Variants in CFAP36 observed in about 807,000 individuals in gnomAD.
CFAP36 encodes cilia and flagella associated protein 36.
A neutral mutation model predicts 50.5 loss-of-function variants in CFAP36; 37 were observed. The observed-to-expected ratio is 0.73, with a 90% CI of 0.56 to 0.96. CFAP36 has a LOEUF of 0.96. CFAP36 is among the 50% of genes least tolerant of loss of function. The pLI is 0.00. For missense variants in CFAP36, 407 were observed against 396.2 expected (o/e 1.03, Z -0.23); for synonymous variants, 138 against 128.2 (o/e 1.08, Z -0.52).
chr2:55,537,687 G>GA, intron 7 of CFAP36, 102 bp downstream of exon 7: 1 of 771,414 alleles, frequency 1.3e-6, no homozygotes, highest in Non-Finnish European at 2.1e-6. Context: ...AAAGCCCTGG[G>GA]AGGGAGTATT....
intron 7 of CFAP36, chr2:55,539,352 A>T (rs1684575049): frequency 6.6e-6 from 1 of 152,386 alleles, no homozygotes. Flanking sequence ...AATGTCATAT[A>T]GTTGAAATCA....
rs199960932 is a variant in CFAP36, at chr2:55,545,021, A to G, written c.*13A>G. The G allele has an allele frequency of 2.1e-4, 295 of 1,427,042 alleles. 2 individuals are homozygous for G. The highest frequency in any genetic ancestry group is 5.7e-4 in the South Asian group (45 of 78,520). 88.4% of individuals were successfully genotyped at this position (1,427,042 alleles called of 1,614,324 possible). Reference sequence around the variant, plus strand: ...TATTAATAAGTAATAATTAAGAACAATTTAACAAAATGGAAGTTCAAATTG... The same window carrying G: ...TATTAATAAGTAATAATTAAGAACAGTTTAACAAAATGGAAGTTCAAATTG... On this transcript the variant is annotated 3_prime_UTR_variant, in exon 10 of 10. Transcript: ENST00000349456.
intron 1 of CFAP36, 39 bp downstream of exon 1, chr2:55,519,955 C>T (rs1287139704): frequency 3.2e-6 from 5 of 1,585,876 alleles, no homozygotes; most frequent in African/African-American, 1.3e-5. Context: ...CTTTTCTCCT[C>T]TCTCACACCA....
At chr2:55,538,902 GTGA>G (rs914699704) in intron 7 of CFAP36, 152 of 1,467,338 alleles carry the variant, frequency 1.0e-4, no homozygotes, top group Middle Eastern at 1.8e-4. Flanking sequence ...TGAGATTAGT[GTGA>G]TGTTTACCCA....
rs192819120 is a variant in CFAP36, at chr2:55,535,940, C to T, written c.537+177C>T. 4.8e-4 allele frequency: 622 copies of T among 1,284,652 alleles called. 2 individuals are homozygous for T. In the African/African-American group the frequency reaches 9.0e-3, roughly 19 times the overall value. The allele number at this position is 1,284,652 out of a possible 1,614,324, so 79.6% of individuals were successfully genotyped here. On this transcript the variant is annotated intron_variant, in intron 6 of 9. Transcript: ENST00000349456. ...ATTCTATGTATGTCGTGCATTACTG[C>T]TGGCCACCATATTATATAGTACTAT...
chr2:55,541,322 C>T lies in CFAP36; in HGVS notation c.641-2616C>T, dbSNP rs1472615722. Among the ~76,000 whole-genome samples, 5 of 152,288 alleles carry T rather than the reference C, an allele frequency of 3.3e-5. No individual in the cohort carries two copies. The South Asian group carries it at 8.3e-4, about 25-fold the overall frequency. On this transcript the variant is annotated intron_variant, in intron 7 of 9. Coordinates refer to ENST00000349456, the MANE Select transcript of CFAP36 (RefSeq NM_080667.7). ...CTGGGCAACAAGAGCGAAACTTCAT[C>T]TCAAAATAAAATAAAATAAAAACCA...
At chr2:55,527,597 ATAAAT>A (rs938400159) in intron 3 of CFAP36, among the ~76,000 whole-genome samples, 14 of 152,048 alleles carry the variant, frequency 9.2e-5, no homozygotes, top group African/African-American at 3.4e-4. Flanking sequence ...AAATAAATAA[ATAAAT>A]AAATAAACAA....
intron 9 of CFAP36, among the ~76,000 whole-genome samples, chr2:55,544,628 G>C (rs17792972): frequency 0.043 from 6,536 of 152,146 alleles, 176 homozygotes; most frequent in South Asian, 0.077. Context: ...AGTATGTCAG[G>C]GTTGGTGGTC....
intron 3 of CFAP36, among the ~76,000 whole-genome samples, chr2:55,525,968 A>T (rs72919784): frequency 0.025 from 3,735 of 152,254 alleles, 157 homozygotes; most frequent in African/African-American, 0.085. Context: ...ACCTTTGCTC[A>T]TGCTGTCCCT....
intron 3 of CFAP36, among the ~76,000 whole-genome samples, 160 bp downstream of exon 3, chr2:55,523,982 C>A (rs954144278): frequency 8.5e-5 from 13 of 152,122 alleles, no homozygotes; most frequent in Non-Finnish European, 1.3e-4. Flanking sequence ...TTGAGAGCAA[C>A]CCTGAAAAAT....
Position 55,523,707 on chromosome 2 carries a change from CTTTG to C in CFAP36, c.181-10_181-7del. The stretch of plus-strand genomic sequence containing the variant: ...TTTCTATGTAATTATAAAAGTTAAA[CTTTG>C]TTTTTTTAGGTTGAAAAGCTGTTAG... On this transcript the variant is annotated splice_polypyrimidine_tract_variant and intron_variant, in intron 2 of 9. Coordinates refer to ENST00000349456, the MANE Select transcript of CFAP36 (RefSeq NM_080667.7). The C allele has an allele frequency of 6.5e-7, 1 of 1,530,536 alleles. No homozygotes were observed. Among genetic ancestry groups the C allele is most frequent in the Non-Finnish European group, 9.0e-7 (1 of 1,116,936 alleles). The allele number at this position is 1,530,536 out of a possible 1,614,324, so 94.8% of individuals were successfully genotyped here. A position where few individuals can be genotyped will look rare whatever the true frequency, so the allele number is the denominator to read the frequency against.
chr2:55,534,369 C>T (rs550801045), intron 5 of CFAP36, among the ~76,000 whole-genome samples: 2 of 152,296 alleles, frequency 1.3e-5, no homozygotes, highest in South Asian at 4.2e-4. Context: ...CCAGATTCCA[C>T]AGATTGAATA....
chr2:55,538,701 C>T, intron 7 of CFAP36: 1 of 1,407,202 alleles, frequency 7.1e-7, no homozygotes, highest in Non-Finnish European at 9.6e-7. Context: ...CCTCAGCCTC[C>T]CAAAGCACTA....
chr2:55,538,773 G>A (rs1252794207), intron 7 of CFAP36: 38 of 1,544,386 alleles, frequency 2.5e-5, no homozygotes, highest in Non-Finnish European at 3.0e-5. Flanking sequence ...AGAAATTCAA[G>A]GAAGCTGAGC....
At chr2:55,541,669 C>A (rs1684642425) in intron 7 of CFAP36, among the ~76,000 whole-genome samples, 1 of 152,010 alleles carries the variant, frequency 6.6e-6, no homozygotes, top group Admixed American at 6.6e-5. Flanking sequence ...TTATTTATTC[C>A]TTCCCAATCA....
intron 7 of CFAP36, among the ~76,000 whole-genome samples, chr2:55,542,511 T>G (rs928220201): frequency 3.3e-5 from 5 of 152,218 alleles, no homozygotes; most frequent in Non-Finnish European, 7.3e-5. Flanking sequence ...TGATGCAGAT[T>G]TGCCAGAGAT....
At chr2:55,531,135 A>C (rs1684342070) in intron 4 of CFAP36, 1 of 152,210 alleles carries the variant, frequency 6.6e-6, no homozygotes, top group African/African-American at 2.4e-5. Context: ...AATCCATGAC[A>C]TAGTGCTATT....
Position 55,543,106 on chromosome 2 carries a change from A to G in CFAP36, c.641-832A>G, listed in dbSNP as rs1355664269. Among the ~76,000 whole-genome samples the G allele has an allele frequency of 9.2e-5, 14 of 151,936 alleles. 1 individual carries two copies. The highest frequency in any genetic ancestry group is 2.1e-4 in the Non-Finnish European group (14 of 67,980). ...GGCAGGATCAACCAGGTGTGGCAAAAATTTTAATCATTTAGACATGTGTGC... is the reference window on the plus strand; with the variant it reads ...GGCAGGATCAACCAGGTGTGGCAAAGATTTTAATCATTTAGACATGTGTGC... On this transcript the variant is annotated intron_variant, in intron 7 of 9. Transcript: ENST00000349456.
rs1179460931 is a variant in CFAP36, at chr2:55,528,915, C to T, written c.320C>T (p.Thr107Ile). 6.2e-7 allele frequency: 1 copy of T among 1,610,186 alleles called. No homozygotes were observed. The highest frequency in any genetic ancestry group is 8.5e-7 in the Non-Finnish European group (1 of 1,178,310). ...LQPVLAAEDF[T>I]IFKAMMVQKN... ...CCTGTGTTGGCAGCAGAAGATTTTA[C>T]TATCTTTAAAGCAATGATGGTCCAG... The change falls in exon 4 of 10, where the codon ACT (threonine) becomes ATT (isoleucine). Residue 107 changes from threonine to isoleucine, a missense_variant. Thr to Ile is a moderately conservative substitution (Grantham distance 89). Coordinates refer to ENST00000349456, the MANE Select transcript of CFAP36 (RefSeq NM_080667.7).
Sources: allele counts gnomAD v4.1 joint callset (sites outside exome capture counted in the v4.1 genomes callset), GRCh38; gene constraint gnomAD v4.1.1; transcripts MANE v1.5; gene names NCBI Gene and HGNC (gene_info 2026-07-23, HGNC 2026-07-21).